HSPB2: variants seen among roughly 807,000 people sequenced by gnomAD.
HSPB2 encodes heat shock protein family B (small) member 2.
Under a neutral mutation model 14.1 loss-of-function variants are expected in HSPB2, and 14 were observed. That is an observed-to-expected ratio of 0.99 (90% CI 0.66 to 1.55). The LOEUF is 1.55. Among genes scored for constraint, HSPB2 ranks in the 40% most tolerant of loss-of-function variants. The pLI is 0.00. For missense variants in HSPB2, 242 were observed against 241.7 expected, an observed-to-expected ratio of 1.00 and a Z score of -0.01; for synonymous variants, 110 against 103.4, an observed-to-expected ratio of 1.06 and a Z score of -0.39.
chr11:111,913,601 A>G lies in HSPB2; in HGVS notation c.255A>G (p.Pro85=). Residue 85 remains proline, a synonymous_variant, in exon 2 of 2, where the codon CCA becomes CCG. Coordinates refer to ENST00000304298, the MANE Select transcript of HSPB2 (RefSeq NM_001541.4). ...QAFLDVSHFT[P]DEVTVRTVDN... ...TTCTGGATGTGAGCCACTTTACCCCAGACGAGGTGACTGTGAGGACTGTGG... is the reference window on the plus strand; with the variant it reads ...TTCTGGATGTGAGCCACTTTACCCCGGACGAGGTGACTGTGAGGACTGTGG... 5.0e-6 allele frequency: 8 copies of G among 1,614,156 alleles called. No individual in the cohort carries two copies. Among genetic ancestry groups the G allele is most frequent in the Non-Finnish European group, 5.9e-6 (7 of 1,180,026 alleles).
chr11:111,913,744 G>A lies in HSPB2; in HGVS notation c.398G>A (p.Arg133Gln), dbSNP rs1308897150. ...GCTGATGTCGACCCCTGGCGAGTCC[G>A]AGCTGCTCTCTCCCATGATGGCATC... Reference protein sequence around the residue: ...LPADVDPWRVRAALSHDGILN... With the variant: ...LPADVDPWRVQAALSHDGILN... The change falls in exon 2 of 2, where the codon CGA becomes CAA. Residue 133 changes from arginine (R) to glutamine (Q), a missense_variant. By Grantham distance (43) the Arg-to-Gln change is conservative (BLOSUM62 1). Coordinates refer to ENST00000304298, the MANE Select transcript of HSPB2 (RefSeq NM_001541.4). The A allele has an allele frequency of 3.7e-6, 6 of 1,614,030 alleles. No individual in the cohort carries two copies. The highest frequency in any genetic ancestry group is 1.3e-5 in the African/African-American group (1 of 74,924).
At position 111,913,684 on chromosome 11, in the gene HSPB2, T is replaced by A; in HGVS notation, c.338T>A (p.Val113Glu). The change falls in exon 2 of 2, where the codon GTG becomes GAG. Residue 113 changes from valine (V) to glutamate (E), a missense_variant. Transcript: ENST00000304298. Reference sequence around the variant, plus strand: ...CAGCGCCTGGACCGCCACGGCTTCGTGTCCCGAGAGTTCTGCCGCACCTAT... The same window carrying A: ...CAGCGCCTGGACCGCCACGGCTTCGAGTCCCGAGAGTTCTGCCGCACCTAT... ...HPQRLDRHGF[V>E]SREFCRTYVL... 6.2e-7 allele frequency: 1 copy of A among 1,614,180 alleles called. No individual in the cohort carries two copies. The highest frequency in any genetic ancestry group is 8.5e-7 in the Non-Finnish European group (1 of 1,180,036).
intron 1 of HSPB2, 85 bp downstream of exon 1, chr11:111,913,008 C>A (rs1204532518): frequency 2.0e-6 from 2 of 1,014,228 alleles, no homozygotes; most frequent in Non-Finnish European, 3.0e-6. Context: ...GGCCTCCACC[C>A]CACTCTGGGC....
In HSPB2 at chr11:111,913,530, G is replaced by T; in HGVS notation, c.184G>T (p.Ala62Ser). ...CGCCCCAGCTGGGGAGGGCAGCAGG[G>T]CAGGGGCCTCCGAGCTTAGGCTCAG... ...RAAPAGEGSR[A>S]GASELRLSEG... The change falls in exon 2 of 2, where the codon GCA becomes TCA. Residue 62 changes from alanine (A) to serine (S), a missense_variant. By Grantham distance (99) the Ala-to-Ser change is moderately conservative (BLOSUM62 1). Transcript: ENST00000304298. 1 of 1,614,114 alleles carries T rather than the reference G, an allele frequency of 6.2e-7. No homozygotes were observed. The highest frequency in any genetic ancestry group is 8.5e-7 in the Non-Finnish European group (1 of 1,180,010).
intron 1 of HSPB2, 87 bp from the exon 2 acceptor site, chr11:111,913,354 A>G (rs1401698948): frequency 1.9e-6 from 2 of 1,040,948 alleles, no homozygotes; most frequent in African/African-American, 3.2e-5. Context: ...TGCTCTTCCC[A>G]ATCCCTCCTC....
rs4252586 is a variant in HSPB2, at chr11:111,912,829, C to T, written c.-1C>T. 2 of 1,599,508 alleles carry T rather than the reference C, an allele frequency of 1.3e-6. No individual in the cohort carries two copies. Among genetic ancestry groups the T allele is most frequent in the South Asian group, 2.3e-5 (2 of 88,092 alleles). On this transcript the variant is annotated 5_prime_UTR_variant, in exon 1 of 2. Transcript: ENST00000304298. ...CCAGGGCTTCTGCTGCATCTGCAGC[C>T]ATGTCGGGCCGCTCAGTGCCACATG...
chr11:111,913,977 A>G lies in HSPB2; in HGVS notation c.*82A>G, dbSNP rs1965555783. 2.4e-6 allele frequency: 3 copies of G among 1,230,378 alleles called. No individual in the cohort carries two copies. The African/African-American group carries it at 4.5e-5, about 19-fold the overall frequency. 76.2% of individuals were successfully genotyped at this position (1,230,378 alleles called of 1,614,324 possible). ...AGCTGCCCACCACTCCAGAGGTAGC[A>G]GCATCCTTGGGGGAAGGGAAAGGTG... On this transcript the variant is annotated 3_prime_UTR_variant, in exon 2 of 2. Coordinates refer to ENST00000304298, the MANE Select transcript of HSPB2 (RefSeq NM_001541.4).
In HSPB2 at chr11:111,912,737, CTATCGAG is replaced by C; in HGVS notation, c.-92_-86del. On this transcript the variant is annotated 5_prime_UTR_variant, in exon 1 of 2. Coordinates refer to ENST00000304298, the MANE Select transcript of HSPB2 (RefSeq NM_001541.4). ...GTGGTGTCGACCCCGCCCCCACCTC[CTATCGAG>C]CCCTGGCTCTCCGGGCAGCTGGAGG... is the stretch of plus-strand genomic sequence containing the variant. 1.0e-6 allele frequency: 1 copy of C among 975,778 alleles called. No individual in the cohort carries two copies. Among genetic ancestry groups the C allele is most frequent in the Non-Finnish European group, 1.6e-6 (1 of 638,498 alleles). 60.4% of individuals were successfully genotyped at this position (975,778 alleles called of 1,614,324 possible).
Position 111,912,749 on chromosome 11 carries a change from G to A in HSPB2, c.-81G>A, listed in dbSNP as rs1965505789. The A allele has an allele frequency of 1.8e-6, 2 of 1,114,764 alleles. No individual in the cohort carries two copies. Among genetic ancestry groups the A allele is most frequent in the East Asian group, 2.7e-5 (1 of 36,872 alleles). The allele number at this position is 1,114,764 out of a possible 1,614,324, so 69.1% of individuals were successfully genotyped here. ...CCGCCCCCACCTCCTATCGAGCCCT[G>A]GCTCTCCGGGCAGCTGGAGGGGTCG... On this transcript the variant is annotated 5_prime_UTR_variant, in exon 1 of 2. Coordinates refer to ENST00000304298, the MANE Select transcript of HSPB2 (RefSeq NM_001541.4).
At position 111,913,931 on chromosome 11, in the gene HSPB2, AC is replaced by A; in HGVS notation, c.*38del. ...CCCAGCACCCAGCAAATCCCTCTCT[AC>A]CTCCCAAGGTGATATGGGCAGCTGC... On this transcript the variant is annotated 3_prime_UTR_variant, in exon 2 of 2. Transcript: ENST00000304298. 6.5e-7 allele frequency: 1 copy of A among 1,538,756 alleles called. No individual in the cohort carries two copies. The highest frequency in any genetic ancestry group is 8.8e-7 in the Non-Finnish European group (1 of 1,135,974).
chr11:111,913,385 C>T, intron 1 of HSPB2, 56 bp from the exon 2 acceptor site: 4 of 1,382,740 alleles, frequency 2.9e-6, no homozygotes, highest in Non-Finnish European at 4.0e-6. Context: ...CCATTTCGCC[C>T]CTGTGCCAGC....
chr11:111,913,973 TA>T lies in HSPB2; in HGVS notation c.*79del. The stretch of plus-strand genomic sequence containing the variant: ...GGGCAGCTGCCCACCACTCCAGAGG[TA>T]GCAGCATCCTTGGGGGAAGGGAAAG... On this transcript the variant is annotated 3_prime_UTR_variant, in exon 2 of 2. Coordinates refer to ENST00000304298, the MANE Select transcript of HSPB2 (RefSeq NM_001541.4). 8.0e-7 allele frequency: 1 copy of T among 1,252,454 alleles called. No homozygotes were observed. Among genetic ancestry groups the T allele is most frequent in the South Asian group, 1.4e-5 (1 of 69,624 alleles). The allele number at this position is 1,252,454 out of a possible 1,614,324, so 77.6% of individuals were successfully genotyped here. A position where few individuals can be genotyped will look rare whatever the true frequency, so the allele number is the denominator to read the frequency against.
chr11:111,913,776 C>A lies in HSPB2; in HGVS notation c.430C>A (p.Leu144Met), dbSNP rs1555165913. ...AALSHDGILNLEAPRGGRHLD... is the reference protein window; with the variant it reads ...AALSHDGILNMEAPRGGRHLD... ...TCTCTCCCATGATGGCATCTTAAAC[C>A]TGGAAGCACCTCGGGGTGGCCGACA... Residue 144 changes from leucine (L) to methionine (M), a missense_variant, in exon 2 of 2, where the codon CTG becomes ATG. Physicochemically the swap from Leu to Met is conservative, Grantham distance 15 (BLOSUM62 2). Transcript: ENST00000304298. The A allele has an allele frequency of 1.2e-6, 2 of 1,614,192 alleles. No homozygotes were observed. Among genetic ancestry groups the A allele is most frequent in the South Asian group, 1.1e-5 (1 of 91,084 alleles).
intron 1 of HSPB2, 106 bp downstream of exon 1, chr11:111,913,029 T>G: frequency 1.3e-6 from 1 of 787,456 alleles, no homozygotes. Flanking sequence ...TTAACTGATC[T>G]CCTGGGACCA....
At position 111,912,910 on chromosome 11, in the gene HSPB2, G is replaced by A. The variant is rs782159997; in HGVS notation, c.81G>A (p.Gln27=). The change falls in exon 1 of 2, where the codon CAG becomes CAA. Residue 27 remains glutamine (Q), a synonymous_variant. Transcript: ENST00000304298. ...EFANPSRLGE[Q]RFGEGLLPEE... is the part of the protein sequence containing the mutation. ...CCAACCCGAGCCGCCTGGGTGAGCA[G>A]CGCTTCGGAGAAGGTATGGCACAGA... The A allele has an allele frequency of 6.2e-7, 1 of 1,605,850 alleles. No homozygotes were observed. The highest frequency in any genetic ancestry group is 8.5e-7 in the Non-Finnish European group (1 of 1,177,542).
At position 111,912,739 on chromosome 11, in the gene HSPB2, A is replaced by G. The variant is rs1555165729; in HGVS notation, c.-91A>G. The stretch of plus-strand genomic sequence containing the variant: ...GGTGTCGACCCCGCCCCCACCTCCT[A>G]TCGAGCCCTGGCTCTCCGGGCAGCT... On this transcript the variant is annotated 5_prime_UTR_variant, in exon 1 of 2. Transcript: ENST00000304298. 2 of 818,392 alleles carry G rather than the reference A, an allele frequency of 2.4e-6. No homozygotes were observed. Among genetic ancestry groups the G allele is most frequent in the Middle Eastern group, 4.3e-4 (1 of 2,310 alleles). The allele number at this position is 818,392 out of a possible 1,614,324, so 50.7% of individuals were successfully genotyped here.
rs1370962375 is a variant in HSPB2, at chr11:111,913,685, G to A, written c.339G>A (p.Val113=). The part of the protein sequence containing the change: ...HPQRLDRHGF[V]SREFCRTYVL... The stretch of plus-strand genomic sequence containing the variant: ...AGCGCCTGGACCGCCACGGCTTCGT[G>A]TCCCGAGAGTTCTGCCGCACCTATG... The change falls in exon 2 of 2, where the codon GTG becomes GTA. Residue 113 remains valine, a synonymous_variant. Transcript: ENST00000304298. 3 of 1,614,068 alleles carry A rather than the reference G, an allele frequency of 1.9e-6. No individual in the cohort carries two copies. Among genetic ancestry groups the A allele is most frequent in the East Asian group, 4.5e-5 (2 of 44,886 alleles).
Position 111,913,210 on chromosome 11 carries a change from T to TCCTCCC in HSPB2, c.95-225_95-220dup, listed in dbSNP as rs1209208600. On this transcript the variant is annotated intron_variant, in intron 1 of 1. Coordinates refer to ENST00000304298, the MANE Select transcript of HSPB2 (RefSeq NM_001541.4). The stretch of plus-strand genomic sequence containing the variant: ...ACCCAGGCCGTTTGGTGCCTCCTCC[T>TCCTCCC]CCTCCCCCTCCTCCTCCTTCTCCTC... 5 of 593,284 alleles carry TCCTCCC rather than the reference T, an allele frequency of 8.4e-6. No homozygotes were observed. The African/African-American group carries it at 9.5e-5, about 11-fold the overall frequency. 36.8% of individuals were successfully genotyped at this position (593,284 alleles called of 1,614,324 possible). A position where few individuals can be genotyped will look rare whatever the true frequency, so the allele number is the denominator to read the frequency against.
chr11:111,912,975 T>TG (rs1555165806), intron 1 of HSPB2, 52 bp downstream of exon 1: 3 of 1,154,992 alleles, frequency 2.6e-6, no homozygotes, highest in South Asian at 1.3e-5. Context: ...CCTGAAATTC[T>TG]GGGCTGACCT....
Sources: allele counts gnomAD v4.1 joint callset, GRCh38; gene constraint gnomAD v4.1.1; transcripts MANE v1.5; gene names NCBI Gene and HGNC (gene_info 2026-07-23, HGNC 2026-07-21).